PHACTR2: variants seen among roughly 807,000 people sequenced by gnomAD.
PHACTR2 encodes the protein phosphatase and actin regulator 2.
Under a neutral mutation model 76.0 loss-of-function variants are expected in PHACTR2, and 30 were observed. That is an observed-to-expected ratio of 0.39 (90% CI 0.30 to 0.54). The LOEUF (loss-of-function observed/expected upper bound fraction) is 0.54, where lower values mean the gene tolerates loss of function less well. Among genes scored for constraint, PHACTR2 ranks in the 20% least tolerant of loss-of-function variants. PHACTR2 has a pLI of 0.61. For missense variants in PHACTR2, 696 were observed against 781.1 expected, an observed-to-expected ratio of 0.89 and a Z score of 1.30; for synonymous variants, 292 against 292.5, an observed-to-expected ratio of 1.00 and a Z score of 0.02.
chr6:143,631,206 T>C (rs577247541), intron 1 of PHACTR2, among the ~76,000 whole-genome samples: 47 of 152,280 alleles, frequency 3.1e-4, no homozygotes, highest in Middle Eastern at 3.4e-3. Context: ...CATTTGTTTT[T>C]TAGAGACAGG....
In PHACTR2 at chr6:143,596,408, C is replaced by G. The variant is rs1296053550; in HGVS notation, c.217+59201C>G. Among the ~76,000 whole-genome samples, 1 of 152,072 alleles carries G rather than the reference C, an allele frequency of 6.6e-6. No individual in the cohort carries two copies. Among genetic ancestry groups the G allele is most frequent in the Non-Finnish European group, 1.5e-5 (1 of 68,024 alleles). ...TGAACTGCATTAAGAGAGAGACACT[C>G]TTACTTATATTTGTATCCCCAGATT... On this transcript the variant is annotated intron_variant, in intron 1 of 11. Transcript: ENST00000367584. This position sits in a 1 kb window ranked among gnomAD's most constrained non-coding sequence, Gnocchi z 4.6.
chr6:143,814,681 C>A (rs1562317475), intron 12 of PHACTR2, among the ~76,000 whole-genome samples: 2 of 146,164 alleles, frequency 1.4e-5, no homozygotes, highest in Admixed American at 6.9e-5. Flanking sequence ...CTGCTCACTG[C>A]AAGCTCCGCC....
intron 6 of PHACTR2, among the ~76,000 whole-genome samples, chr6:143,771,211 T>C (rs1436430889): frequency 5.1e-4 from 48 of 93,412 alleles, no homozygotes; most frequent in South Asian, 1.8e-3. Context: ...TATATATATA[T>C]ATATATATAT....
At chr6:143,815,889 C>G (rs1776284698) in intron 12 of PHACTR2, among the ~76,000 whole-genome samples, 1 of 50,216 alleles carries the variant, frequency 2.0e-5, no homozygotes, top group Admixed American at 2.1e-4. Context: ...AAGACTCTGT[C>G]TCAAGAAAAA....
chr6:143,735,643 TGAATCA>T (rs1778800670), intron 2 of PHACTR2, among the ~76,000 whole-genome samples: 1 of 151,420 alleles, frequency 6.6e-6, no homozygotes, highest in Non-Finnish European at 1.5e-5. Context: ...AAACTTCAGA[TGAATCA>T]AATGCAAAAC....
intron 1 of PHACTR2, among the ~76,000 whole-genome samples, chr6:143,544,253 G>GGAAGGAAGGAAGGCGGGGAGGGGAAA (rs1554286376): frequency 1.0e-4 from 15 of 144,070 alleles, no homozygotes; most frequent in Non-Finnish European, 2.1e-4. Flanking sequence ...GGAGGGAGTG[G>GGAAGGAAGGAAGGCGGGGAGGGGAAA]GAAGGAAGGA....
chr6:143,731,027 C>G lies in PHACTR2; in HGVS notation c.215-17958C>G, dbSNP rs1778688422. ...CCTTCAAAAGTGCTGAGATTACAGG[C>G]GTGAGCCACCACGTCCAGCCCAGTT... On this transcript the variant is annotated intron_variant, in intron 2 of 12. Coordinates refer to ENST00000440869, the MANE Select transcript of PHACTR2 (RefSeq NM_001100164.2). This position sits in a 1 kb window ranked among gnomAD's most constrained non-coding sequence, Gnocchi z 4.9. 6.6e-6 allele frequency among the ~76,000 whole-genome samples: 1 copy of G among 152,132 alleles called. No homozygotes were observed. The highest frequency in any genetic ancestry group is 6.5e-5 in the Admixed American group (1 of 15,272).
At chr6:143,642,788 A>C (rs1457248760) in intron 1 of PHACTR2, among the ~76,000 whole-genome samples, 2 of 152,204 alleles carry the variant, frequency 1.3e-5, no homozygotes, top group Non-Finnish European at 2.9e-5. Flanking sequence ...AAACCATCAG[A>C]AACTAGGAGA....
Position 143,816,763 on chromosome 6 carries a change from C to T in PHACTR2, c.1923-6911C>T, listed in dbSNP as rs1776304473. On this transcript the variant is annotated intron_variant, in intron 12 of 12. Transcript: ENST00000440869. The surrounding 1 kb of genome is among the most constrained non-coding windows in gnomAD (Gnocchi z 4.5). ...GAATACTTTCCAGGATAATATTGGG[C>T]TTTCAAAGATTATCTCTTCTGGCTG... is the stretch of plus-strand genomic sequence containing the variant. 6.6e-6 allele frequency among the ~76,000 whole-genome samples: 1 copy of T among 152,094 alleles called. No homozygotes were observed. The highest frequency in any genetic ancestry group is 2.1e-4 in the South Asian group (1 of 4,818).
At chr6:143,719,743 G>T (rs1394650494) in intron 2 of PHACTR2, among the ~76,000 whole-genome samples, 1 of 149,692 alleles carries the variant, frequency 6.7e-6, no homozygotes, top group East Asian at 2.0e-4. Flanking sequence ...TCAGGGAGAA[G>T]TTACGTAACC....
chr6:143,719,426 T>C (rs1055236095), intron 2 of PHACTR2, among the ~76,000 whole-genome samples: 2 of 143,546 alleles, frequency 1.4e-5, no homozygotes, highest in African/African-American at 2.6e-5. Context: ...TCTCACTCAC[T>C]GCAACCTCCA....
At chr6:143,667,759 C>G (rs1206010855) in intron 1 of PHACTR2, among the ~76,000 whole-genome samples, 1 of 152,190 alleles carries the variant, frequency 6.6e-6, no homozygotes, top group African/African-American at 2.4e-5. Context: ...TGCTTATCAG[C>G]TTAAGGAGAT....
chr6:143,759,002 G>T (rs953105245), intron 4 of PHACTR2, among the ~76,000 whole-genome samples: 1 of 152,120 alleles, frequency 6.6e-6, no homozygotes, highest in Non-Finnish European at 1.5e-5. Flanking sequence ...GTTAAGGCTC[G>T]ATCTTGTCTT....
Position 143,696,654 on chromosome 6 carries a change from T to G in PHACTR2, c.47-15362T>G, listed in dbSNP as rs984358541. On this transcript the variant is annotated intron_variant, in intron 1 of 12. Coordinates refer to ENST00000440869, the MANE Select transcript of PHACTR2 (RefSeq NM_001100164.2). The surrounding 1 kb of genome is among the most constrained non-coding windows in gnomAD (Gnocchi z 4.1). The stretch of plus-strand genomic sequence containing the variant: ...GGCACTGGAAGCCCATGTTTTTCCT[T>G]TGCAGTACTCACAGGTCTGTGTTTA... Among the ~76,000 whole-genome samples the G allele has an allele frequency of 3.3e-5, 5 of 152,198 alleles. No individual in the cohort carries two copies. The highest frequency in any genetic ancestry group is 9.7e-5 in the African/African-American group (4 of 41,450).
intron 12 of PHACTR2, among the ~76,000 whole-genome samples, chr6:143,810,998 A>G (rs780729230): frequency 6.6e-6 from 1 of 152,140 alleles, no homozygotes; most frequent in Non-Finnish European, 1.5e-5. Context: ...TATTTTGTTT[A>G]AATTTTTGTA....
In PHACTR2 at chr6:143,557,553, C is replaced by T. The variant is rs909883995; in HGVS notation, c.217+20346C>T. 1 of 152,202 alleles carries T rather than the reference C, an allele frequency of 6.6e-6. No individual in the cohort carries two copies. The highest frequency in any genetic ancestry group is 1.5e-5 in the Non-Finnish European group (1 of 68,072). 9.4% of individuals were successfully genotyped at this position (152,202 alleles called of 1,614,324 possible). ...TACCTTCCTGCTAAGATGGCTCACC[C>T]TCACCACACAGGGTCTCGATTTTTC... On this transcript the variant is annotated intron_variant, in intron 1 of 11. Coordinates refer to the PHACTR2 transcript ENST00000367584. The surrounding 1 kb of genome is among the most constrained non-coding windows in gnomAD (Gnocchi z 5.5).
intron 1 of PHACTR2, among the ~76,000 whole-genome samples, chr6:143,666,653 T>G (rs10016169): frequency 6.6e-6 from 1 of 152,254 alleles, no homozygotes. Context: ...CTTCCATATG[T>G]TTGTTGGCCG....
intron 2 of PHACTR2, among the ~76,000 whole-genome samples, chr6:143,716,933 C>T (rs1187229292): frequency 1.3e-5 from 2 of 152,162 alleles, no homozygotes; most frequent in Non-Finnish European, 2.9e-5. Context: ...CCCCTCTTGC[C>T]CCTCCATATC....
rs1776453155 is a variant in PHACTR2, at chr6:143,822,899, G to C, written c.1923-775G>C. 1.3e-5 allele frequency among the ~76,000 whole-genome samples: 2 copies of C among 152,244 alleles called. No individual in the cohort carries two copies. Among genetic ancestry groups the C allele is most frequent in the African/African-American group, 4.8e-5 (2 of 41,472 alleles). On this transcript the variant is annotated intron_variant, in intron 12 of 12. Coordinates refer to ENST00000440869, the MANE Select transcript of PHACTR2 (RefSeq NM_001100164.2). The surrounding 1 kb of genome is among the most constrained non-coding windows in gnomAD (Gnocchi z 5.5). Reference sequence around the variant, plus strand: ...GAATGTTCAGGAACTCACAAGGAGGGAAAGGAAGCCAGCTGGCTGGCTAAC... The same window carrying C: ...GAATGTTCAGGAACTCACAAGGAGGCAAAGGAAGCCAGCTGGCTGGCTAAC...
Sources: allele counts gnomAD v4.1 joint callset (sites outside exome capture counted in the v4.1 genomes callset), GRCh38; gene constraint gnomAD v4.1.1; non-coding constraint Gnocchi (gnomAD v3.1); transcripts MANE v1.5; gene names NCBI Gene and HGNC (gene_info 2026-07-23, HGNC 2026-07-21).